IL17RA: variants seen among roughly 807,000 people sequenced by gnomAD.
IL17RA encodes interleukin-17 receptor A.
IL17RA carries 34 observed loss-of-function variants against 50.4 expected under a neutral mutation model. The ratio of observed to expected loss-of-function variants is 0.67; its 90% CI spans 0.51 to 0.90. The LOEUF (loss-of-function observed/expected upper bound fraction) is 0.90. Among genes scored for constraint, IL17RA ranks in the 40% least tolerant of loss-of-function variants. The probability of loss-of-function intolerance (pLI) is 0.00; values close to 1 mark genes in which losing one functional copy is unlikely to be tolerated. For synonymous variants in IL17RA, 585 were observed against 510.4 expected (o/e 1.15, Z -1.97); for missense variants, 1,276 against 1,169.8 (o/e 1.09, Z -1.32).
chr22:17,108,336 C>G lies in IL17RA; in HGVS notation c.1117C>G (p.Pro373Ala), dbSNP rs748951854. The change falls in exon 13 of 13, where the codon CCA becomes GCA. Residue 373 changes from proline to alanine, a missense_variant. Physicochemically the swap from Pro to Ala is conservative, Grantham distance 27 (BLOSUM62 -1). Transcript: ENST00000319363. ...DGLPAADLIP[P>A]PLKPRKVWII... ...CCTGCCTGCGGCTGACCTGATCCCC[C>G]CACCGCTGAAGCCCAGGAAGGTCTG... 1 of 1,614,160 alleles carries G rather than the reference C, an allele frequency of 6.2e-7. No individual in the cohort carries two copies. Among genetic ancestry groups the G allele is most frequent in the Non-Finnish European group, 8.5e-7 (1 of 1,180,024 alleles).
intron 1 of IL17RA, among the ~76,000 whole-genome samples, chr22:17,096,396 A>G (rs1367994703): frequency 2.6e-5 from 4 of 152,136 alleles, no homozygotes; most frequent in Admixed American, 6.5e-5. Context: ...TCCCCAACAG[A>G]TCTGTCACAG....
chr22:17,093,069 T>A (rs1449951121), intron 1 of IL17RA, among the ~76,000 whole-genome samples: 1 of 152,176 alleles, frequency 6.6e-6, no homozygotes, highest in African/African-American at 2.4e-5. Flanking sequence ...TTAACAGCAT[T>A]GTTTTTTTTT....
rs367558296 is a variant in IL17RA, at chr22:17,104,824, G to A, written c.931+14G>A. Reference sequence around the variant, plus strand: ...CAGACACTCCAGGTAGGGGACATGCGGCTGTCCTAGGCCATACTGGGAGAA... The same window carrying A: ...CAGACACTCCAGGTAGGGGACATGCAGCTGTCCTAGGCCATACTGGGAGAA... On this transcript the variant is annotated intron_variant, in intron 9 of 12. Transcript: ENST00000319363. The A allele has an allele frequency of 2.9e-5, 47 of 1,612,784 alleles. No homozygotes were observed. The highest frequency in any genetic ancestry group is 2.1e-4 in the South Asian group (19 of 91,044).
At chr22:17,086,090 C>G (rs2061326683) in intron 1 of IL17RA, among the ~76,000 whole-genome samples, 1 of 152,172 alleles carries the variant, frequency 6.6e-6, no homozygotes, top group Non-Finnish European at 1.5e-5. Flanking sequence ...AAGTGACCCA[C>G]CCGCCTGCCG....
chr22:17,109,252 T>C lies in IL17RA; in HGVS notation c.2033T>C (p.Val678Ala). Residue 678 changes from valine to alanine, a missense_variant, in exon 13 of 13, where the codon GTG (valine) becomes GCG (alanine). Coordinates refer to ENST00000319363, the MANE Select transcript of IL17RA (RefSeq NM_014339.7). ...CTCGCCGCAGAGGAGGGGGCCCTGG[T>C]GGCCGCGGTGGAGCCTGGGCCCCTG... ...LVLAAEEGAL[V>A]AAVEPGPLAD... The C allele has an allele frequency of 6.7e-7, 1 of 1,491,860 alleles. No homozygotes were observed. Among genetic ancestry groups the C allele is most frequent in the Non-Finnish European group, 8.9e-7 (1 of 1,127,068 alleles). The allele number at this position is 1,491,860 out of a possible 1,614,324, so 92.4% of individuals were successfully genotyped here.
At chr22:17,096,264 G>A (rs1343844415) in intron 1 of IL17RA, among the ~76,000 whole-genome samples, 1 of 152,154 alleles carries the variant, frequency 6.6e-6, no homozygotes, top group Non-Finnish European at 1.5e-5. Context: ...GCAATATAAT[G>A]TAACATGGGT....
intron 11 of IL17RA, among the ~76,000 whole-genome samples, 176 bp from the exon 12 acceptor site, chr22:17,107,551 G>C (rs554345784): frequency 6.6e-6 from 1 of 152,350 alleles, no homozygotes; most frequent in Non-Finnish European, 1.5e-5. Context: ...CATAGTGCTC[G>C]TAGTGGCAGA....
At chr22:17,097,120 C>G (rs760486451) in intron 2 of IL17RA, 34 bp downstream of exon 2, 73 of 1,601,276 alleles carry the variant, frequency 4.6e-5, no homozygotes, top group Admixed American at 3.0e-4. Flanking sequence ...CTTCTTGTTG[C>G]CTTCTTAATC....
Position 17,112,997 on chromosome 22 carries a change from T to G in IL17RA, c.*3177T>G, listed in dbSNP as rs1326064772. The stretch of plus-strand genomic sequence containing the variant: ...CTACTATCTTGATCCTAGTTTTTTT[T>G]TTGTTTTTTTTTTTTTTAAGGAATA... On this transcript the variant is annotated 3_prime_UTR_variant, in exon 13 of 13. Transcript: ENST00000319363. 7.9e-6 allele frequency: 1 copy of G among 126,684 alleles called. No individual in the cohort carries two copies. The highest frequency in any genetic ancestry group is 1.7e-5 in the Non-Finnish European group (1 of 57,372). 7.8% of individuals were successfully genotyped at this position (126,684 alleles called of 1,614,324 possible). A position where few individuals can be genotyped will look rare whatever the true frequency, so the allele number is the denominator to read the frequency against.
Position 17,112,699 on chromosome 22 carries a change from A to C in IL17RA, c.*2879A>C, listed in dbSNP as rs2061448495. On this transcript the variant is annotated 3_prime_UTR_variant, in exon 13 of 13. Transcript: ENST00000319363. ...CTGTCCGCTGAATGCCAAGAGCTTC[A>C]AGAGTGTGTGTAAATAAAGCCACAC... 1 of 152,164 alleles carries C rather than the reference A, an allele frequency of 6.6e-6. No homozygotes were observed. The highest frequency in any genetic ancestry group is 2.1e-4 in the South Asian group (1 of 4,832). 9.4% of individuals were successfully genotyped at this position (152,164 alleles called of 1,614,324 possible).
At chr22:17,085,709 G>T (rs891133643) in intron 1 of IL17RA, among the ~76,000 whole-genome samples, 1 of 152,266 alleles carries the variant, frequency 6.6e-6, no homozygotes, top group Middle Eastern at 3.4e-3. Flanking sequence ...GGCCCATCGC[G>T]CCCTCGGGAG....
rs1376988774 is a variant in IL17RA at position 17,110,105 on chromosome 22, A to G, written c.*285A>G. ...TTCGTTCATTCAGCATTTATTGTGC[A>G]CCTACTATGTGGCGGGCATTTGGGA... is the stretch of plus-strand genomic sequence containing the variant. On this transcript the variant is annotated 3_prime_UTR_variant, in exon 13 of 13. Coordinates refer to ENST00000319363, the MANE Select transcript of IL17RA (RefSeq NM_014339.7). 2.1e-6 allele frequency: 1 copy of G among 479,220 alleles called. No homozygotes were observed. The highest frequency in any genetic ancestry group is 3.8e-6 in the Non-Finnish European group (1 of 263,368). The allele number at this position is 479,220 out of a possible 1,614,324, so 29.7% of individuals were successfully genotyped here.
Position 17,109,512 on chromosome 22 carries a change from C to T in IL17RA, c.2293C>T (p.Gln765Ter). Residue 765 changes from glutamine to a stop codon, truncating the protein, a stop_gained, in exon 13 of 13, where the codon CAG (glutamine) becomes TAG (stop). Transcript: ENST00000319363. LOFTEE classifies it low-confidence loss of function (END_TRUNC). ...LFEQSLSCQA[Q>*]GGCSRPAMVL... is the part of the protein sequence containing the mutation. ...CGAGCAGAGTCTGAGCTGCCAGGCC[C>T]AGGGGGGCTGCAGTAGACCCGCCAT... 6.3e-7 allele frequency: 1 copy of T among 1,597,892 alleles called. No individual in the cohort carries two copies. Among genetic ancestry groups the T allele is most frequent in the Non-Finnish European group, 8.5e-7 (1 of 1,171,594 alleles).
chr22:17,101,403 C>T (rs1034536650), intron 5 of IL17RA, among the ~76,000 whole-genome samples: 4 of 152,220 alleles, frequency 2.6e-5, no homozygotes, highest in Non-Finnish European at 5.9e-5. Context: ...TATGTCACCG[C>T]GTGTGGCTCA....
At chr22:17,089,417 T>C (rs2061340102) in intron 1 of IL17RA, among the ~76,000 whole-genome samples, 1 of 152,122 alleles carries the variant, frequency 6.6e-6, no homozygotes, top group African/African-American at 2.4e-5. Flanking sequence ...AAATGAGATA[T>C]ATGTACAAAG....
intron 5 of IL17RA, among the ~76,000 whole-genome samples, chr22:17,101,538 C>T (rs1266000449): frequency 6.6e-6 from 1 of 152,182 alleles, no homozygotes; most frequent in Non-Finnish European, 1.5e-5. Flanking sequence ...AAGAACAGGG[C>T]CTGGTGCATA....
chr22:17,097,984 G>A, intron 3 of IL17RA, 41 bp downstream of exon 3: 1 of 1,611,750 alleles, frequency 6.2e-7, no homozygotes, highest in Non-Finnish European at 8.5e-7. Context: ...GATTCTCCCT[G>A]CCTCCAAGTG....
chr22:17,096,914 A>G, intron 1 of IL17RA, 148 bp from the exon 2 acceptor site: 2 of 751,490 alleles, frequency 2.7e-6, no homozygotes, highest in Middle Eastern at 2.7e-4. Flanking sequence ...CATCCCCTGG[A>G]CTCACTCCTC....
At chr22:17,087,874 C>G (rs912062728) in intron 1 of IL17RA, among the ~76,000 whole-genome samples, 3 of 152,192 alleles carry the variant, frequency 2.0e-5, no homozygotes, top group Non-Finnish European at 2.9e-5. Flanking sequence ...TATTTCATTA[C>G]AGAGTCTTTT....
Sources: allele counts gnomAD v4.1 joint callset (sites outside exome capture counted in the v4.1 genomes callset), GRCh38; gene constraint gnomAD v4.1.1; transcripts MANE v1.5; gene names NCBI Gene and HGNC (gene_info 2026-07-23, HGNC 2026-07-21).